The following WRN variants were observed in gnomAD, a reference collection of about 807,000 sequenced individuals.
The protein encoded by WRN is bifunctional 3'-5' exonuclease/ATP-dependent helicase WRN.
A neutral mutation model predicts 180.7 loss-of-function variants in WRN; 149 were observed. The ratio of observed to expected loss-of-function variants is 0.82; its 90% CI spans 0.72 to 0.94. WRN has a LOEUF of 0.94. Ranked by LOEUF, WRN falls within the 40% of genes least tolerant of loss-of-function variation. WRN has a pLI of 0.00. For synonymous variants in WRN, 548 were observed against 568.9 expected (o/e 0.96, Z 0.52); for missense variants, 1,661 against 1,700.1 (o/e 0.98, Z 0.40).
At chr8:31,097,309 A>G (rs1814029787) in intron 17 of WRN, among the ~76,000 whole-genome samples, 1 of 152,088 alleles carries the variant, frequency 6.6e-6, no homozygotes, top group Non-Finnish European at 1.5e-5. Flanking sequence ...TCACTTTTCA[A>G]ACTTTAAAAA....
At chr8:31,092,348 G>A (rs559250431) in intron 16 of WRN, among the ~76,000 whole-genome samples, 1 of 151,776 alleles carries the variant, frequency 6.6e-6, no homozygotes, top group East Asian at 1.9e-4. Flanking sequence ...GCTGAGCAGG[G>A]ACTGGATTCT....
chr8:31,125,562 A>ATATATATATG, intron 23 of WRN, among the ~76,000 whole-genome samples: 2 of 130,476 alleles, frequency 1.5e-5, no homozygotes, highest in Non-Finnish European at 3.2e-5. Context: ...ATATATATAT[A>ATATATATATG]TATATATGGG....
chr8:31,127,634 T>G (rs935564284), intron 23 of WRN, among the ~76,000 whole-genome samples: 1 of 152,074 alleles, frequency 6.6e-6, no homozygotes, highest in African/African-American at 2.4e-5. Context: ...AGTAACTTGC[T>G]GGTGCGGTGG....
intron 24 of WRN, among the ~76,000 whole-genome samples, chr8:31,140,016 T>G (rs1018832417): frequency 4.9e-5 from 6 of 122,016 alleles, no homozygotes; most frequent in Non-Finnish European, 6.9e-5. Context: ...TTTTTTTTTT[T>G]TTTTTTTTTT....
intron 3 of WRN, among the ~76,000 whole-genome samples, chr8:31,061,581 T>G (rs969199635): frequency 1.3e-5 from 2 of 152,132 alleles, no homozygotes; most frequent in Non-Finnish European, 2.9e-5. Context: ...TGTTAGATTT[T>G]ATTGTTTTCC....
intron 1 of WRN, among the ~76,000 whole-genome samples, chr8:31,038,503 C>G (rs1231222544): frequency 6.6e-6 from 1 of 151,716 alleles, no homozygotes; most frequent in Non-Finnish European, 1.5e-5. Flanking sequence ...AATAATTTCT[C>G]CCATTTTGTG....
rs1585442193 is a variant in WRN at position 31,091,914 on chromosome 8, C to T, written c.1898+16C>T. ...ATATTAAATTGTGAGTAATTTTTTTCCCTCAACTTTTATTTTGGATTTATG... is the reference window on the plus strand; with the variant it reads ...ATATTAAATTGTGAGTAATTTTTTTTCCTCAACTTTTATTTTGGATTTATG... On this transcript the variant is annotated intron_variant, in intron 16 of 34. Coordinates refer to ENST00000298139, the MANE Select transcript of WRN (RefSeq NM_000553.6). 2 of 1,611,212 alleles carry T rather than the reference C, an allele frequency of 1.2e-6. No homozygotes were observed. Among genetic ancestry groups the T allele is most frequent in the African/African-American group, 2.7e-5 (2 of 74,840 alleles).
In WRN at chr8:31,131,160, C is replaced by CTTTTTTTTT. The variant is rs71206302; in HGVS notation, c.2826-1204_2826-1196dup. 2.4e-4 allele frequency among the ~76,000 whole-genome samples: 26 copies of CTTTTTTTTT among 106,826 alleles called. 5 individuals are homozygous for CTTTTTTTTT. Among genetic ancestry groups the CTTTTTTTTT allele is most frequent in the South Asian group, 6.2e-4 (2 of 3,210 alleles). 70.1% of individuals were successfully genotyped at this position (106,826 alleles called of 152,430 possible). A position where few individuals can be genotyped will look rare whatever the true frequency, so the allele number is the denominator to read the frequency against. On this transcript the variant is annotated intron_variant, in intron 23 of 34. Transcript: ENST00000298139. ...TGTGGTGGAACCAAATTGCAACTTTCTTTTTTTTTGAGACAGAGTTTTGCT... is the reference window on the plus strand; with the variant it reads ...TGTGGTGGAACCAAATTGCAACTTTCTTTTTTTTTTTTTTTTTTGAGACAGAGTTTTGCT...
chr8:31,158,504 T>C (rs534979249), intron 33 of WRN, among the ~76,000 whole-genome samples: 1 of 152,230 alleles, frequency 6.6e-6, no homozygotes, highest in South Asian at 2.1e-4. Context: ...ATAAATCTGA[T>C]AAATTTCTTT....
chr8:31,100,760 GTTAT>G, intron 17 of WRN, 85 bp from the exon 18 acceptor site: 1 of 1,078,492 alleles, frequency 9.3e-7, no homozygotes, highest in Non-Finnish European at 1.4e-6. Flanking sequence ...CTTTGATTTG[GTTAT>G]TTATTCTCCT....
intron 1 of WRN, among the ~76,000 whole-genome samples, chr8:31,045,088 G>T (rs1261138906): frequency 7.2e-5 from 11 of 152,138 alleles, no homozygotes; most frequent in Non-Finnish European, 1.6e-4. Flanking sequence ...ATTATAACCA[G>T]TTTTTTGGCC....
At chr8:31,172,958 C>A (rs776105249) in intron 34 of WRN, 37 bp from the exon 35 acceptor site, 35 of 1,600,770 alleles carry the variant, frequency 2.2e-5, no homozygotes, top group Admixed American at 6.7e-5. Context: ...CTCAGTAGTA[C>A]AAAGATTTGA....
intron 13 of WRN, 90 bp downstream of exon 13, chr8:31,089,055 C>T (rs1813645846): frequency 3.7e-6 from 4 of 1,076,700 alleles, no homozygotes; most frequent in Non-Finnish European, 4.2e-6. Context: ...TTAACAGCAA[C>T]AGCACAACTT....
intron 1 of WRN, among the ~76,000 whole-genome samples, chr8:31,051,690 T>G (rs1812082447): frequency 6.6e-6 from 1 of 152,210 alleles, no homozygotes; most frequent in East Asian, 1.9e-4. Flanking sequence ...GCAACTAACT[T>G]ATCAAAAAGC....
intron 5 of WRN, among the ~76,000 whole-genome samples, chr8:31,066,343 C>T (rs1406075026): frequency 6.6e-6 from 1 of 151,940 alleles, no homozygotes; most frequent in Non-Finnish European, 1.5e-5. Flanking sequence ...GCCACCACAC[C>T]CAGCTAATTT....
At chr8:31,108,058 C>T (rs1437365634) in intron 18 of WRN, among the ~76,000 whole-genome samples, 1 of 152,174 alleles carries the variant, frequency 6.6e-6, no homozygotes, top group Non-Finnish European at 1.5e-5. Flanking sequence ...TTATACTTTT[C>T]TCAGTCTGTG....
At chr8:31,133,783 T>G (rs1212841090) in intron 24 of WRN, among the ~76,000 whole-genome samples, 1 of 152,198 alleles carries the variant, frequency 6.6e-6, no homozygotes, top group Non-Finnish European at 1.5e-5. Context: ...TTAAATATAA[T>G]TGAGATCTGT....
At chr8:31,068,353 G>A (rs1432097777) in intron 7 of WRN, 26 bp downstream of exon 7, 2 of 1,557,878 alleles carry the variant, frequency 1.3e-6, no homozygotes, top group Non-Finnish European at 1.8e-6. Context: ...TAAATAAAAT[G>A]TGAATTCACT....
At chr8:31,166,788 G>A (rs915370021) in intron 33 of WRN, among the ~76,000 whole-genome samples, 14 of 152,216 alleles carry the variant, frequency 9.2e-5, no homozygotes, top group African/African-American at 3.1e-4. Context: ...TTTATGCAGT[G>A]TCAATAGTAC....
Sources: allele counts gnomAD v4.1 joint callset (sites outside exome capture counted in the v4.1 genomes callset), GRCh38; gene constraint gnomAD v4.1.1; transcripts MANE v1.5; gene names NCBI Gene and HGNC (gene_info 2026-07-23, HGNC 2026-07-21).